CDK14: variants seen among roughly 807,000 people sequenced by gnomAD.
CDK14 encodes the protein cyclin dependent kinase 14, also known as cyclin-dependent kinase 14.
CDK14 carries 34 observed loss-of-function variants against 60.7 expected under a neutral mutation model. The observed-to-expected ratio is 0.56, with a 90% CI of 0.43 to 0.75. The LOEUF is 0.75. Ranked by LOEUF, CDK14 falls within the 30% of genes least tolerant of loss-of-function variation. The pLI is 0.00. For synonymous variants in CDK14, 197 were observed against 203.7 expected, an observed-to-expected ratio of 0.97 and a Z score of 0.28; for missense variants, 482 against 564.1, an observed-to-expected ratio of 0.85 and a Z score of 1.47.
intron 5 of CDK14, among the ~76,000 whole-genome samples, chr7:90,816,875 C>T (rs1789375713): frequency 6.6e-6 from 1 of 152,114 alleles, no homozygotes; most frequent in South Asian, 2.1e-4. Context: ...CTGTTCCCAC[C>T]ATTTTACAAG....
At chr7:90,623,741 A>G (rs1006562563) in intron 2 of CDK14, among the ~76,000 whole-genome samples, 3 of 152,178 alleles carry the variant, frequency 2.0e-5, no homozygotes, top group African/African-American at 7.2e-5. Context: ...GATGGCAGTT[A>G]CAGTGGTGAT....
At chr7:91,139,030 C>T (rs549729268) in intron 14 of CDK14, among the ~76,000 whole-genome samples, 3 of 152,240 alleles carry the variant, frequency 2.0e-5, no homozygotes, top group South Asian at 2.1e-4. Flanking sequence ...CAACTCCTTG[C>T]GAAGAGAATC....
intron 3 of CDK14, among the ~76,000 whole-genome samples, chr7:90,746,567 A>G (rs1256951405): frequency 6.6e-6 from 1 of 152,242 alleles, no homozygotes; most frequent in Non-Finnish European, 1.5e-5. Context: ...TTCATTCCTT[A>G]TATAATTATC....
chr7:90,738,828 A>T (rs746173328), intron 3 of CDK14, among the ~76,000 whole-genome samples: 29 of 152,150 alleles, frequency 1.9e-4, no homozygotes, highest in Non-Finnish European at 2.8e-4. Flanking sequence ...GATTTAATAA[A>T]GTTGCAAGGA....
intron 5 of CDK14, among the ~76,000 whole-genome samples, chr7:90,862,967 C>A (rs560173579): frequency 7.9e-5 from 12 of 152,110 alleles, no homozygotes; most frequent in Non-Finnish European, 1.3e-4. Flanking sequence ...ATCACTTGAA[C>A]CCAGGAGTTT....
intron 14 of CDK14, among the ~76,000 whole-genome samples, chr7:91,202,535 T>C (rs1009040472): frequency 2.0e-5 from 3 of 152,250 alleles, no homozygotes; most frequent in African/African-American, 7.2e-5. Context: ...GTGATTGTAG[T>C]ATACCCTCTC....
At chr7:90,668,698 T>C (rs988620693) in intron 2 of CDK14, among the ~76,000 whole-genome samples, 1 of 84,416 alleles carries the variant, frequency 1.2e-5, no homozygotes, top group African/African-American at 5.1e-5. Flanking sequence ...GGACTCGCAT[T>C]CTTTTTTTTT....
chr7:91,041,977 A>G (rs1797105018), intron 10 of CDK14, among the ~76,000 whole-genome samples: 1 of 152,218 alleles, frequency 6.6e-6, no homozygotes, highest in African/African-American at 2.4e-5. Flanking sequence ...CAGATGAGTA[A>G]TCTAGCAATT....
chr7:90,803,949 G>A (rs1397183831), intron 5 of CDK14, among the ~76,000 whole-genome samples: 1 of 151,994 alleles, frequency 6.6e-6, no homozygotes, highest in Admixed American at 6.5e-5. Context: ...TTCTAACCAG[G>A]GCCTAGAACA....
At chr7:90,692,033 C>G (rs1315274707) in intron 2 of CDK14, among the ~76,000 whole-genome samples, 1 of 151,984 alleles carries the variant, frequency 6.6e-6, no homozygotes, top group Non-Finnish European at 1.5e-5. Context: ...ATAAGTTGTC[C>G]TATTCCAAGT....
At chr7:91,092,736 G>C (rs535390537) in intron 12 of CDK14, among the ~76,000 whole-genome samples, 7 of 152,274 alleles carry the variant, frequency 4.6e-5, no homozygotes, top group Admixed American at 3.3e-4. Flanking sequence ...CAAAGGCAAG[G>C]ACTTGCAACT....
chr7:91,002,838 C>T (rs192636824), intron 10 of CDK14, among the ~76,000 whole-genome samples: 9 of 152,142 alleles, frequency 5.9e-5, no homozygotes, highest in South Asian at 2.1e-4. Context: ...TTTGGGAGGC[C>T]GAGACGGGTG....
intron 9 of CDK14, among the ~76,000 whole-genome samples, chr7:90,980,875 A>G (rs1285895560): frequency 6.6e-6 from 1 of 152,210 alleles, no homozygotes; most frequent in African/African-American, 2.4e-5. Context: ...TCTAAGTAAC[A>G]TATTATGGAG....
At chr7:90,903,215 A>T (rs1792575333) in intron 7 of CDK14, among the ~76,000 whole-genome samples, 2 of 152,184 alleles carry the variant, frequency 1.3e-5, no homozygotes, top group Non-Finnish European at 2.9e-5. Flanking sequence ...ATGATCCAAC[A>T]GTCCTACTAA....
At chr7:90,612,841 C>G (rs1180863567) in intron 2 of CDK14, among the ~76,000 whole-genome samples, 1 of 149,712 alleles carries the variant, frequency 6.7e-6, no homozygotes, top group African/African-American at 2.5e-5. Context: ...GTGGTCATAT[C>G]TGCCAGTCCT....
intron 14 of CDK14, among the ~76,000 whole-genome samples, chr7:91,156,291 C>A (rs1013346590): frequency 2.0e-5 from 3 of 152,072 alleles, no homozygotes; most frequent in Non-Finnish European, 2.9e-5. Context: ...GATTTTTCCC[C>A]AAAATATGTG....
intron 3 of CDK14, among the ~76,000 whole-genome samples, chr7:90,743,840 CCTT>C (rs1475131762): frequency 5.9e-5 from 9 of 151,688 alleles, no homozygotes; most frequent in East Asian, 1.9e-4. Flanking sequence ...TATATTTTCC[CCTT>C]CTTTATTTTC....
chr7:91,147,160 T>TCACACA (rs1342197532), intron 14 of CDK14, among the ~76,000 whole-genome samples: 3 of 107,748 alleles, frequency 2.8e-5, no homozygotes, highest in South Asian at 3.3e-4. Flanking sequence ...TCTCTCTCTC[T>TCACACA]CTCACACACA....
At chr7:91,070,325 A>G (rs1201376719) in intron 11 of CDK14, among the ~76,000 whole-genome samples, 1 of 151,816 alleles carries the variant, frequency 6.6e-6, no homozygotes, top group Non-Finnish European at 1.5e-5. Flanking sequence ...TTATGTTTTT[A>G]TTGTCTGTCT....
Sources: allele counts gnomAD v4.1 joint callset (sites outside exome capture counted in the v4.1 genomes callset), GRCh38; gene constraint gnomAD v4.1.1; transcripts MANE v1.5; gene names NCBI Gene and HGNC (gene_info 2026-07-23, HGNC 2026-07-21).